Variants in CYP7B1 observed in about 807,000 individuals in gnomAD.
CYP7B1 encodes cytochrome P450 7B1.
Under a neutral mutation model 42.7 loss-of-function variants are expected in CYP7B1, and 29 were observed. That is an observed-to-expected ratio of 0.68 (90% CI 0.51 to 0.93). The LOEUF (loss-of-function observed/expected upper bound fraction) is 0.93, where lower values mean the gene tolerates loss of function less well. Among genes scored for constraint, CYP7B1 ranks in the 40% least tolerant of loss-of-function variants. The pLI is 0.00. For missense variants in CYP7B1, 655 were observed against 600.5 expected, an observed-to-expected ratio of 1.09 and a Z score of -0.95; for synonymous variants, 235 against 218.2, an observed-to-expected ratio of 1.08 and a Z score of -0.68.
At chr8:64,789,718 T>G (rs1585916285) in intron 1 of CYP7B1, among the ~76,000 whole-genome samples, 2 of 152,300 alleles carry the variant, frequency 1.3e-5, no homozygotes, top group Middle Eastern at 3.4e-3. Flanking sequence ...CTACAAAGAA[T>G]CATCCAGCCC....
At chr8:64,796,961 T>C (rs1804712161) in intron 1 of CYP7B1, among the ~76,000 whole-genome samples, 1 of 152,178 alleles carries the variant, frequency 6.6e-6, no homozygotes, top group Non-Finnish European at 1.5e-5. Flanking sequence ...AACATGACTC[T>C]GTACTGGGAC....
In CYP7B1 at chr8:64,772,054, T is replaced by C. The variant is rs115992926; in HGVS notation, c.122+26412A>G. Among the ~76,000 whole-genome samples the C allele has an allele frequency of 3.7e-3, 570 of 152,342 alleles. 4 individuals carry two copies. Among genetic ancestry groups the C allele is most frequent in the African/African-American group, 0.013 (550 of 41,578 alleles). On this transcript the variant is annotated intron_variant, in intron 1 of 5. Transcript: ENST00000310193. ...TGTCACTCTCATAAGATGACCTTGCTTCCTATTTGATAAGAAAATTGAAGC... is the reference window on the plus strand; with the variant it reads ...TGTCACTCTCATAAGATGACCTTGCCTCCTATTTGATAAGAAAATTGAAGC...
chr8:64,719,852 A>C (rs1164313617), intron 1 of CYP7B1, among the ~76,000 whole-genome samples: 1 of 152,234 alleles, frequency 6.6e-6, no homozygotes, highest in African/African-American at 2.4e-5. Context: ...CAAAGATGAA[A>C]GGCACATTAC....
chr8:64,620,536 T>A (rs1805514033), intron 2 of CYP7B1, among the ~76,000 whole-genome samples: 1 of 152,236 alleles, frequency 6.6e-6, no homozygotes, highest in African/African-American at 2.4e-5. Flanking sequence ...ATGTACTTTT[T>A]AATTTCTTTA....
At chr8:64,725,325 G>C (rs2129632953) in intron 1 of CYP7B1, among the ~76,000 whole-genome samples, 1 of 152,336 alleles carries the variant, frequency 6.6e-6, no homozygotes, top group East Asian at 1.9e-4. Flanking sequence ...TTGTGAGAAA[G>C]AAAGGTGTCA....
chr8:64,608,804 T>C (rs1261902690), intron 4 of CYP7B1, among the ~76,000 whole-genome samples: 4 of 152,190 alleles, frequency 2.6e-5, no homozygotes, highest in Admixed American at 1.3e-4. Flanking sequence ...TCATATAATT[T>C]GAGGCAAAAT....
intron 1 of CYP7B1, among the ~76,000 whole-genome samples, chr8:64,743,680 C>T (rs887243852): frequency 2.0e-5 from 3 of 152,052 alleles, no homozygotes; most frequent in African/African-American, 7.2e-5. Context: ...TGGATTAGGG[C>T]CCATGAGTAT....
At chr8:64,623,518 T>G (rs866706729) in intron 2 of CYP7B1, among the ~76,000 whole-genome samples, 2 of 152,292 alleles carry the variant, frequency 1.3e-5, no homozygotes, top group Middle Eastern at 6.8e-3. Context: ...TTAAACTTTT[T>G]GGGGATTTGT....
chr8:64,629,453 G>T (rs1325518402), intron 1 of CYP7B1, among the ~76,000 whole-genome samples: 1 of 152,104 alleles, frequency 6.6e-6, no homozygotes, highest in Non-Finnish European at 1.5e-5. Flanking sequence ...ATTTGTATTA[G>T]GTGACCGAAT....
intron 1 of CYP7B1, among the ~76,000 whole-genome samples, chr8:64,771,044 C>A (rs1804213846): frequency 1.6e-5 from 1 of 63,214 alleles, no homozygotes; most frequent in Non-Finnish European, 3.3e-5. Flanking sequence ...GGGATATCAG[C>A]ATCTTTTTTT....
At chr8:64,654,514 A>G (rs1806091442) in intron 1 of CYP7B1, among the ~76,000 whole-genome samples, 1 of 152,232 alleles carries the variant, frequency 6.6e-6, no homozygotes, top group Admixed American at 6.5e-5. Context: ...GCTCAAAGGA[A>G]TCAGAGAAGC....
intron 1 of CYP7B1, among the ~76,000 whole-genome samples, chr8:64,766,714 C>G (rs1807978557): frequency 6.6e-6 from 1 of 152,168 alleles, no homozygotes; most frequent in Non-Finnish European, 1.5e-5. Flanking sequence ...TCAAGGGAAT[C>G]ACTGGAAGGC....
chr8:64,684,447 C>T (rs1162853319), intron 1 of CYP7B1, among the ~76,000 whole-genome samples: 1 of 152,132 alleles, frequency 6.6e-6, no homozygotes, highest in Non-Finnish European at 1.5e-5. Context: ...CCTAGAATGC[C>T]TAGTATATGA....
At chr8:64,686,941 AAG>A (rs901822644) in intron 1 of CYP7B1, among the ~76,000 whole-genome samples, 1 of 121,684 alleles carries the variant, frequency 8.2e-6, no homozygotes, top group African/African-American at 3.3e-5. Flanking sequence ...CATGCTCGTT[AAG>A]AGTCATCACC....
chr8:64,636,445 C>A (rs907728974), intron 1 of CYP7B1, among the ~76,000 whole-genome samples: 6 of 152,148 alleles, frequency 3.9e-5, no homozygotes, highest in Admixed American at 2.6e-4. Flanking sequence ...ATGTTAGTTA[C>A]TATTATTGTT....
chr8:64,739,550 G>C (rs960034594), intron 1 of CYP7B1, among the ~76,000 whole-genome samples: 8 of 152,170 alleles, frequency 5.3e-5, no homozygotes, highest in African/African-American at 1.9e-4. Flanking sequence ...GAAGAAAACA[G>C]AATAGGCCAT....
intron 1 of CYP7B1, among the ~76,000 whole-genome samples, chr8:64,796,790 C>G (rs1377851031): frequency 6.6e-6 from 1 of 152,088 alleles, no homozygotes; most frequent in African/African-American, 2.4e-5. Flanking sequence ...TATTTCCCCA[C>G]GATTTTTATT....
intron 1 of CYP7B1, among the ~76,000 whole-genome samples, chr8:64,719,570 T>C (rs1807207901): frequency 6.6e-6 from 1 of 152,204 alleles, no homozygotes; most frequent in South Asian, 2.1e-4. Context: ...TGGAAACCTT[T>C]TCAGCATAAA....
chr8:64,622,001 C>T (rs930900242), intron 2 of CYP7B1, among the ~76,000 whole-genome samples: 1 of 151,918 alleles, frequency 6.6e-6, no homozygotes, highest in African/African-American at 2.4e-5. Flanking sequence ...CTCAGACTGG[C>T]CAGCTTCCAG....
Sources: gnomAD v4.1 joint callset for allele counts (sites outside exome capture counted in the v4.1 genomes callset) on GRCh38, gnomAD v4.1.1 for gene constraint, MANE v1.5 for transcripts, NCBI Gene and HGNC (gene_info 2026-07-23, HGNC 2026-07-21) for gene names.